The following AAMDC variants were observed in gnomAD, a reference collection of about 807,000 sequenced individuals.
AAMDC encodes the protein adipogenesis associated Mth938 domain containing.
AAMDC carries 16 observed loss-of-function variants against 15.5 expected under a neutral mutation model. The observed-to-expected ratio is 1.03, with a 90% confidence interval of 0.70 to 1.57. AAMDC has a LOEUF of 1.57. Ranked by LOEUF, AAMDC falls within the 40% of genes most tolerant of loss-of-function variation. AAMDC has a pLI of 0.00. For synonymous variants in AAMDC, 51 were observed against 51.6 expected (o/e 0.99, Z 0.05); for missense variants, 141 against 144.9 (o/e 0.97, Z 0.14).
At chr11:77,827,576 A>G (rs1161487633) in intron 1 of AAMDC, among the ~76,000 whole-genome samples, 1 of 152,246 alleles carries the variant, frequency 6.6e-6, no homozygotes, top group Non-Finnish European at 1.5e-5. Flanking sequence ...ACAAAATTCA[A>G]TATTCTTTCA....
chr11:77,854,622 C>A (rs1950536179), intron 2 of AAMDC, among the ~76,000 whole-genome samples: 1 of 152,256 alleles, frequency 6.6e-6, no homozygotes, highest in Admixed American at 6.5e-5. Flanking sequence ...AGGCTTTGGG[C>A]AGCTCTGCCT....
At chr11:77,829,702 C>A (rs887891359) in intron 1 of AAMDC, 3 of 152,278 alleles carry the variant, frequency 2.0e-5, no homozygotes, top group Admixed American at 2.0e-4. Flanking sequence ...GCAATGGATT[C>A]TTAGAAATAA....
downstream of AAMDC, chr11:77,872,412 C>G (rs1951474640): frequency 7.0e-7 from 1 of 1,421,500 alleles, no homozygotes; most frequent in African/African-American, 1.4e-5. Context: ...TTTTGGACAC[C>G]TACTCATGCC....
At chr11:77,875,555 G>T (rs1951572183), downstream of AAMDC, among the ~76,000 whole-genome samples, 1 of 152,170 alleles carries the variant, frequency 6.6e-6, no homozygotes, top group African/African-American at 2.4e-5. Flanking sequence ...AACAGAGAAT[G>T]TGCTCTCTGA....
intron 1 of AAMDC, among the ~76,000 whole-genome samples, chr11:77,822,062 A>G (rs1948933603): frequency 6.6e-6 from 1 of 152,164 alleles, no homozygotes; most frequent in Admixed American, 6.6e-5. Flanking sequence ...TTTAGACTGA[A>G]TTCCGCTATA....
chr11:77,869,331 T>TTA (rs1233872228), intron 2 of AAMDC: 3 of 166,390 alleles, frequency 1.8e-5, no homozygotes, highest in Admixed American at 1.3e-4. Context: ...TTTTTTTTTT[T>TTA]AGATAGGGTC....
At chr11:77,839,156 G>C (rs534865271) in intron 1 of AAMDC, among the ~76,000 whole-genome samples, 25 of 151,832 alleles carry the variant, frequency 1.6e-4, no homozygotes, top group African/African-American at 4.3e-4. Context: ...ATTAATTTTT[G>C]GAGACAGAGT....
intron 2 of AAMDC, among the ~76,000 whole-genome samples, chr11:77,865,704 G>C (rs947992801): frequency 6.6e-6 from 1 of 152,044 alleles, no homozygotes. Context: ...GCAGACTTTT[G>C]GAAAAGATTT....
At chr11:77,880,652 A>G (rs565208714) in intron 5 of AAMDC, among the ~76,000 whole-genome samples, 1 of 152,280 alleles carries the variant, frequency 6.6e-6, no homozygotes, top group Admixed American at 6.5e-5. Flanking sequence ...TTGGCATAGC[A>G]CTTTCAAGAA....
chr11:77,828,145 C>T (rs746751903), intron 1 of AAMDC, among the ~76,000 whole-genome samples: 13 of 151,864 alleles, frequency 8.6e-5, no homozygotes, highest in South Asian at 2.1e-4. Flanking sequence ...CATGGTGATG[C>T]GCACCTGTAA....
intron 5 of AAMDC, chr11:77,878,692 T>C (rs895987985): frequency 2.6e-5 from 18 of 688,332 alleles, no homozygotes; most frequent in African/African-American, 5.3e-5. Flanking sequence ...CCACACGCAT[T>C]TCTTTACAGA....
intron 2 of AAMDC, among the ~76,000 whole-genome samples, chr11:77,849,204 T>C (rs1013004450): frequency 6.6e-6 from 1 of 151,878 alleles, no homozygotes; most frequent in African/African-American, 2.4e-5. Context: ...ACCTGGCTAA[T>C]TTTTTATTTT....
intron 2 of AAMDC, among the ~76,000 whole-genome samples, chr11:77,858,460 C>G (rs1022047660): frequency 2.0e-5 from 3 of 151,854 alleles, no homozygotes; most frequent in Non-Finnish European, 4.4e-5. Context: ...TCTTTACCTC[C>G]TGTTTTTGCC....
At chr11:77,846,663 G>A (rs891687903) in intron 2 of AAMDC, among the ~76,000 whole-genome samples, 11 of 152,278 alleles carry the variant, frequency 7.2e-5, no homozygotes, top group East Asian at 1.9e-4. Flanking sequence ...CCAAGATTGC[G>A]CCATTGCACT....
chr11:77,882,876 G>C (rs2136357134), intron 5 of AAMDC, among the ~76,000 whole-genome samples: 1 of 152,236 alleles, frequency 6.6e-6, no homozygotes, highest in Non-Finnish European at 1.5e-5. Context: ...TTCGAGACTA[G>C]CTTGGCCAAC....
chr11:77,822,689 T>A (rs1246719490), intron 1 of AAMDC, among the ~76,000 whole-genome samples: 1 of 152,172 alleles, frequency 6.6e-6, no homozygotes, highest in Non-Finnish European at 1.5e-5. Context: ...ATTTATTGCC[T>A]TGAATAGTGA....
chr11:77,835,740 G>A lies in AAMDC; in HGVS notation c.-18-6739G>A, dbSNP rs147631076. ...TTGAGACCAGCCTGGCAAACATGGC[G>A]AAACCCTGTCTCTACCAAAATATAC... On this transcript the variant is annotated intron_variant, in intron 1 of 3. Transcript: ENST00000393427. Among the ~76,000 whole-genome samples the A allele has an allele frequency of 1.4e-3, 216 of 151,826 alleles. 1 individual carries two copies. The East Asian group carries it at 0.018, about 12-fold the overall frequency.
At chr11:77,860,102 A>G (rs1950811829) in intron 2 of AAMDC, among the ~76,000 whole-genome samples, 1 of 152,218 alleles carries the variant, frequency 6.6e-6, no homozygotes, top group South Asian at 2.1e-4. Context: ...AGACATGTGT[A>G]AGGACTCCTA....
intron 1 of AAMDC, among the ~76,000 whole-genome samples, chr11:77,833,579 G>C (rs911441613): frequency 6.6e-6 from 1 of 152,218 alleles, no homozygotes; most frequent in Non-Finnish European, 1.5e-5. Flanking sequence ...GTGCAGCCCA[G>C]TTCCTAACAG....
Sources: gnomAD v4.1 joint callset for allele counts (sites outside exome capture counted in the v4.1 genomes callset) on GRCh38, gnomAD v4.1.1 for gene constraint, MANE v1.5 for transcripts, NCBI Gene and HGNC (gene_info 2026-07-23, HGNC 2026-07-21) for gene names.